GALNT13: variants seen among roughly 807,000 people sequenced by gnomAD.
GALNT13 encodes polypeptide N-acetylgalactosaminyltransferase 13.
GALNT13 carries 28 observed loss-of-function variants against 64.2 expected under a neutral mutation model. The ratio of observed to expected loss-of-function variants is 0.44; its 90% CI spans 0.32 to 0.60. GALNT13 has a LOEUF of 0.60. Among genes scored for constraint, GALNT13 ranks in the 20% least tolerant of loss-of-function variants. The pLI is 0.05. For synonymous variants in GALNT13, 214 were observed against 224.6 expected (o/e 0.95, Z 0.42); for missense variants, 577 against 669.8 (o/e 0.86, Z 1.53).
chr2:153,119,379 C>T, the GALNT13 span, among the ~76,000 whole-genome samples: 1 of 151,978 alleles, frequency 6.6e-6, no homozygotes, highest in African/African-American at 2.4e-5. Context: ...TTCTAAAATT[C>T]TTGCCTTTAG....
intron 9 of GALNT13, among the ~76,000 whole-genome samples, chr2:154,364,560 G>A (rs6753342): frequency 4.6e-5 from 7 of 152,000 alleles, no homozygotes; most frequent in Admixed American, 2.0e-4. Flanking sequence ...CTTAAAATGC[G>A]GTTATCTAAC....
the GALNT13 span, among the ~76,000 whole-genome samples, chr2:153,073,553 A>G: frequency 6.6e-6 from 1 of 152,158 alleles, no homozygotes; most frequent in South Asian, 2.1e-4. Context: ...CTCATGTTTC[A>G]TCTATATCCC....
chr2:153,397,062 C>T, the GALNT13 span, among the ~76,000 whole-genome samples: 74 of 152,186 alleles, frequency 4.9e-4, no homozygotes, highest in South Asian at 0.014. Context: ...CTCTAAAATA[C>T]GTTTAGAAAG....
the GALNT13 span, among the ~76,000 whole-genome samples, chr2:153,727,595 T>G: frequency 6.6e-6 from 1 of 152,054 alleles, no homozygotes; most frequent in Non-Finnish European, 1.5e-5. Context: ...TCTATAAGAG[T>G]TCTAGTTGGT....
the GALNT13 span, among the ~76,000 whole-genome samples, chr2:153,791,080 A>G: frequency 1.3e-5 from 2 of 152,182 alleles, no homozygotes; most frequent in Non-Finnish European, 2.9e-5. Context: ...CAGATTAAAT[A>G]GGCATATTAC....
intron 8 of GALNT13, among the ~76,000 whole-genome samples, chr2:154,297,878 A>G (rs1157865183): frequency 2.2e-5 from 3 of 137,692 alleles, no homozygotes; most frequent in Non-Finnish European, 5.0e-5. Flanking sequence ...TATCAATTGG[A>G]AAAAAAAAAT....
the GALNT13 span, among the ~76,000 whole-genome samples, chr2:153,386,049 C>A: frequency 6.6e-6 from 1 of 151,800 alleles, no homozygotes; most frequent in Non-Finnish European, 1.5e-5. Flanking sequence ...AAATAACTGT[C>A]CTATTTTCCC....
the GALNT13 span, among the ~76,000 whole-genome samples, chr2:153,663,375 A>G: frequency 1.3e-5 from 2 of 152,350 alleles, no homozygotes; most frequent in Middle Eastern, 3.4e-3. Context: ...GAGGAGGCCA[A>G]TGTTGAAAGA....
At chr2:153,140,311 CAG>C in the GALNT13 span, among the ~76,000 whole-genome samples, 2 of 151,944 alleles carry the variant, frequency 1.3e-5, no homozygotes, top group Admixed American at 6.6e-5. Flanking sequence ...GTGGAATTGG[CAG>C]AGACTTCACA....
rs548823957 is a variant in GALNT13, at chr2:154,386,432, A to T, written c.1157-9559A>T. On this transcript the variant is annotated intron_variant, in intron 9 of 12. Transcript: ENST00000392825. ...TGGTAAGTTTCAGTTCCTTGATACT[A>T]TCTGGGTGGCCTGATGGTTGGTTTC... is the stretch of plus-strand genomic sequence containing the variant. Among the ~76,000 whole-genome samples, 6 of 152,088 alleles carry T rather than the reference A, an allele frequency of 3.9e-5. 1 individual carries two copies. The South Asian group carries it at 1.2e-3, about 31-fold the overall frequency.
intron 8 of GALNT13, among the ~76,000 whole-genome samples, chr2:154,289,855 T>C (rs1350234679): frequency 6.6e-6 from 1 of 152,230 alleles, no homozygotes; most frequent in Non-Finnish European, 1.5e-5. Flanking sequence ...GTCCCACTTA[T>C]TCTGTCCTTC....
At chr2:153,533,746 G>GTTTTTTTTTTTTTT in the GALNT13 span, among the ~76,000 whole-genome samples, 1 of 13,622 alleles carries the variant, frequency 7.3e-5, no homozygotes, top group Non-Finnish European at 1.5e-4. Flanking sequence ...TTTTTTTTTT[G>GTTTTTTTTTTTTTT]CTTTTTAGTT....
chr2:153,231,844 C>G, the GALNT13 span, among the ~76,000 whole-genome samples: 1 of 152,018 alleles, frequency 6.6e-6, no homozygotes, highest in Admixed American at 6.6e-5. Context: ...GCAGAGGTCC[C>G]ACCAAGAAAG....
At chr2:153,635,454 G>GTA in the GALNT13 span, among the ~76,000 whole-genome samples, 13 of 145,476 alleles carry the variant, frequency 8.9e-5, no homozygotes, top group Admixed American at 1.4e-4. Flanking sequence ...ACATATATAT[G>GTA]TATATGTGTA....
chr2:154,319,953 A>T lies in GALNT13; in HGVS notation c.1156+18364A>T, dbSNP rs576449742. On this transcript the variant is annotated intron_variant, in intron 9 of 12. Transcript: ENST00000392825. ...ATAGCAGACATAAAAGAAAAACTAG[A>T]AACACTAAGTGCTGACATATATATA... 3.2e-4 allele frequency among the ~76,000 whole-genome samples: 48 copies of T among 152,276 alleles called. No homozygotes were observed. In the South Asian group the frequency reaches 9.7e-3, roughly 31 times the overall value.
At chr2:153,463,543 A>C in the GALNT13 span, among the ~76,000 whole-genome samples, 1 of 152,026 alleles carries the variant, frequency 6.6e-6, no homozygotes, top group Non-Finnish European at 1.5e-5. Context: ...TCCCTCCTCC[A>C]ACTCCATCTA....
intron 11 of GALNT13, among the ~76,000 whole-genome samples, chr2:154,434,592 T>G (rs577421495): frequency 1.3e-5 from 2 of 152,134 alleles, no homozygotes; most frequent in African/African-American, 4.8e-5. Flanking sequence ...CCTGTATCAT[T>G]ATCACCGTCT....
chr2:153,637,628 C>G, the GALNT13 span, among the ~76,000 whole-genome samples: 3 of 152,086 alleles, frequency 2.0e-5, no homozygotes, highest in East Asian at 5.8e-4. Context: ...TGCATGTTAT[C>G]AATGAGTATT....
the GALNT13 span, among the ~76,000 whole-genome samples, chr2:153,342,594 G>A: frequency 4.6e-5 from 7 of 152,140 alleles, no homozygotes; most frequent in Admixed American, 1.3e-4. Context: ...TATCAAACAC[G>A]TTACAAAGAT....
Sources: gnomAD v4.1 joint callset for allele counts (sites outside exome capture counted in the v4.1 genomes callset) on GRCh38, gnomAD v4.1.1 for gene constraint, MANE v1.5 for transcripts, NCBI Gene and HGNC (gene_info 2026-07-23, HGNC 2026-07-21) for gene names.